DST: variants seen among roughly 807,000 people sequenced by gnomAD.
DST encodes the protein bullous pemphigoid antigen.
In DST, 253 loss-of-function variants were observed where a neutral mutation model predicts 875.2. The observed-to-expected ratio is 0.29, with a 90% confidence interval of 0.26 to 0.32. DST has a LOEUF of 0.32. DST is among the 10% of genes least tolerant of loss of function. The pLI is 1.00. For missense variants in DST, 8,287 were observed against 9,111.6 expected, an observed-to-expected ratio of 0.91 and a Z score of 3.68; for synonymous variants, 3,124 against 3,197.1, an observed-to-expected ratio of 0.98 and a Z score of 0.77.
Position 56,755,202 on chromosome 6 carries a change from G to A in DST, c.626-19913C>T, listed in dbSNP as rs570869093. Among the ~76,000 whole-genome samples the A allele has an allele frequency of 9.9e-5, 15 of 152,086 alleles. No homozygotes were observed. The South Asian group carries it at 3.1e-3, about 32-fold the overall frequency. On this transcript the variant is annotated intron_variant, in intron 4 of 103. Transcript: ENST00000680361. ...GTTGACTACATGCAGAATAGGGACT[G>A]AGAGAAGAGTTACCAGTGTAACCCT...
At chr6:56,525,972 G>C (rs2096790640) in intron 69 of DST, among the ~76,000 whole-genome samples, 1 of 152,128 alleles carries the variant, frequency 6.6e-6, no homozygotes, top group African/African-American at 2.4e-5. Context: ...TAAATGAACA[G>C]TTAATACTGA....
chr6:56,609,475 C>G, intron 39 of DST, 131 bp from the exon 40 acceptor site: 1 of 672,964 alleles, frequency 1.5e-6, no homozygotes, highest in South Asian at 2.0e-5. Context: ...CAAGGCGCAG[C>G]AATGCTGTGA....
chr6:56,543,906 G>A (rs1046999489), intron 61 of DST, among the ~76,000 whole-genome samples: 2 of 152,022 alleles, frequency 1.3e-5, no homozygotes, highest in African/African-American at 4.8e-5. Context: ...AACTCTATCG[G>A]TAACTCATCC....
intron 4 of DST, among the ~76,000 whole-genome samples, chr6:56,743,998 A>T (rs560248518): frequency 6.6e-6 from 1 of 152,146 alleles, no homozygotes; most frequent in Admixed American, 6.5e-5. Flanking sequence ...AAATACAAAA[A>T]ATTAGCAGGG....
chr6:56,574,747 G>A (rs957694797), intron 50 of DST, among the ~76,000 whole-genome samples: 3 of 151,958 alleles, frequency 2.0e-5, no homozygotes, highest in Non-Finnish European at 4.4e-5. Context: ...TTGAACAATG[G>A]TTTTTAATGT....
At chr6:56,626,174 G>A (rs1445133151) in intron 34 of DST, among the ~76,000 whole-genome samples, 2 of 151,952 alleles carry the variant, frequency 1.3e-5, no homozygotes, top group East Asian at 3.8e-4. Flanking sequence ...ATTTATTATT[G>A]AAGAAATTTT....
chr6:56,890,390 A>C (rs1786816795), intron 3 of DST, among the ~76,000 whole-genome samples: 1 of 152,258 alleles, frequency 6.6e-6, no homozygotes, highest in African/African-American at 2.4e-5. Context: ...ATGTGAAAAT[A>C]CTAAGGAATA....
chr6:56,676,930 T>C (rs900910639), intron 9 of DST, among the ~76,000 whole-genome samples: 2 of 152,058 alleles, frequency 1.3e-5, no homozygotes, highest in Non-Finnish European at 2.9e-5. Flanking sequence ...GGATGCAAAA[T>C]TTCAGTTAAG....
intron 3 of DST, among the ~76,000 whole-genome samples, chr6:56,854,123 G>A (rs894410927): frequency 2.0e-5 from 3 of 152,106 alleles, no homozygotes; most frequent in African/African-American, 7.2e-5. Flanking sequence ...GATTTAAATG[G>A]AGCTGCTTTA....
chr6:56,511,946 A>C (rs2096485989), intron 72 of DST, among the ~76,000 whole-genome samples: 1 of 152,166 alleles, frequency 6.6e-6, no homozygotes, highest in Non-Finnish European at 1.5e-5. Context: ...CCTCAAGATA[A>C]GGAATGTTAG....
intron 4 of DST, among the ~76,000 whole-genome samples, chr6:56,791,787 CAAAAAAAAAA>C (rs139051174): frequency 1.3e-5 from 1 of 78,122 alleles, no homozygotes; most frequent in African/African-American, 4.3e-5. Context: ...GACCCTGTCT[CAAAAAAAAAA>C]AAAAAAGAAA....
At chr6:56,728,574 G>A (rs2099480737) in intron 5 of DST, among the ~76,000 whole-genome samples, 1 of 152,136 alleles carries the variant, frequency 6.6e-6, no homozygotes, top group East Asian at 1.9e-4. Context: ...TGCTCAGGAG[G>A]CTGAGGCACA....
intron 5 of DST, among the ~76,000 whole-genome samples, chr6:56,728,908 A>C (rs1286858001): frequency 1.3e-5 from 2 of 151,630 alleles, no homozygotes; most frequent in Non-Finnish European, 2.9e-5. Flanking sequence ...ATACATACTG[A>C]AGTATTTAGA....
chr6:56,565,380 A>C (rs1164958251), intron 55 of DST, among the ~76,000 whole-genome samples: 2 of 152,024 alleles, frequency 1.3e-5, no homozygotes, highest in Non-Finnish European at 2.9e-5. Flanking sequence ...TGGCCTCCAA[A>C]AGTGCTGGGA....
At chr6:56,931,013 A>G (rs1809919954) in intron 2 of DST, among the ~76,000 whole-genome samples, 1 of 152,210 alleles carries the variant, frequency 6.6e-6, no homozygotes, top group Admixed American at 6.5e-5. Flanking sequence ...TCAAAATCAA[A>G]ACACTTCCTG....
At chr6:56,736,036 TG>T (rs1259533255) in intron 4 of DST, among the ~76,000 whole-genome samples, 1 of 139,814 alleles carries the variant, frequency 7.2e-6, no homozygotes, top group Non-Finnish European at 1.5e-5. Flanking sequence ...TTTTTTTGTT[TG>T]TTTTTTTTGT....
At chr6:56,504,160 C>A in intron 77 of DST, 62 bp from the exon 78 acceptor site, 1 of 992,884 alleles carries the variant, frequency 1.0e-6, no homozygotes, top group Admixed American at 2.3e-5. Flanking sequence ...TACAGTATTT[C>A]AAGTACTACA....
intron 72 of DST, among the ~76,000 whole-genome samples, chr6:56,513,659 T>G (rs1265555027): frequency 1.3e-5 from 2 of 152,142 alleles, no homozygotes; most frequent in Non-Finnish European, 2.9e-5. Context: ...CCACTGTGCC[T>G]GGCCGAGGAG....
At chr6:56,599,443 G>A (rs2098422454) in intron 45 of DST, among the ~76,000 whole-genome samples, 1 of 152,034 alleles carries the variant, frequency 6.6e-6, no homozygotes, top group Admixed American at 6.6e-5. Context: ...AACTGTGCTA[G>A]TGACTTACAC....
Sources: gnomAD v4.1 joint callset for allele counts (sites outside exome capture counted in the v4.1 genomes callset) on GRCh38, gnomAD v4.1.1 for gene constraint, MANE v1.5 for transcripts, NCBI Gene and HGNC (gene_info 2026-07-23, HGNC 2026-07-21) for gene names.